QTMAN: variants seen among roughly 807,000 people sequenced by gnomAD.
QTMAN encodes tRNA-queuosine alpha-mannosyltransferase.
the QTMAN span, among the ~76,000 whole-genome samples, chr2:144,120,860 A>G: frequency 6.6e-6 from 1 of 152,166 alleles, no homozygotes; most frequent in African/African-American, 2.4e-5. Context: ...TGATTATAAT[A>G]GTGTTTCATC....
At chr2:144,137,562 T>C in the QTMAN span, among the ~76,000 whole-genome samples, 1 of 152,094 alleles carries the variant, frequency 6.6e-6, no homozygotes, top group Non-Finnish European at 1.5e-5. Context: ...ACTTCCGAAA[T>C]TGCATTTACA....
the QTMAN span, among the ~76,000 whole-genome samples, chr2:144,165,814 T>C: frequency 6.6e-6 from 1 of 152,242 alleles, no homozygotes; most frequent in Non-Finnish European, 1.5e-5. Flanking sequence ...ATTAAGAACC[T>C]ATTAATGAAT....
the QTMAN span, among the ~76,000 whole-genome samples, chr2:143,966,224 T>C: frequency 8.5e-5 from 13 of 152,202 alleles, no homozygotes; most frequent in Non-Finnish European, 1.9e-4. Flanking sequence ...TCCCTGTGCC[T>C]TACTTTTTTC....
At chr2:144,023,862 C>T in the QTMAN span, among the ~76,000 whole-genome samples, 1 of 152,126 alleles carries the variant, frequency 6.6e-6, no homozygotes, top group African/African-American at 2.4e-5. Context: ...TTTCTTGTAA[C>T]TGAAAAAGGT....
At chr2:144,223,843 C>T in the QTMAN span, among the ~76,000 whole-genome samples, 1 of 152,212 alleles carries the variant, frequency 6.6e-6, no homozygotes, top group East Asian at 1.9e-4. Context: ...CCTGACTGAC[C>T]CTCCTCCTGA....
the QTMAN span, among the ~76,000 whole-genome samples, chr2:144,206,479 C>T: frequency 6.6e-6 from 1 of 152,120 alleles, no homozygotes; most frequent in South Asian, 2.1e-4. Context: ...AAAAAAGTTA[C>T]TTGGTAAAGA....
At chr2:144,062,138 A>G in the QTMAN span, among the ~76,000 whole-genome samples, 2 of 152,310 alleles carry the variant, frequency 1.3e-5, no homozygotes, top group East Asian at 1.9e-4. Context: ...GCTGTTTAAC[A>G]CTTAAGCCAT....
At chr2:144,098,847 G>GA in the QTMAN span, among the ~76,000 whole-genome samples, 3,452 of 134,204 alleles carry the variant, frequency 0.026, 46 homozygotes, top group African/African-American at 0.033. Flanking sequence ...ATTTCTCTTA[G>GA]AAAAAAAAAA....
chr2:143,965,579 A>T, the QTMAN span, among the ~76,000 whole-genome samples: 1 of 152,184 alleles, frequency 6.6e-6, no homozygotes, highest in African/African-American at 2.4e-5. Context: ...GAGTTTCTCA[A>T]TCTAGGCACT....
At chr2:143,986,102 G>GT in the QTMAN span, among the ~76,000 whole-genome samples, 3 of 152,102 alleles carry the variant, frequency 2.0e-5, no homozygotes, top group African/African-American at 7.2e-5. Context: ...CTTTACTTGA[G>GT]TATCAATTAC....
At chr2:144,178,584 A>G in the QTMAN span, 1 of 153,342 alleles carries the variant, frequency 6.5e-6, no homozygotes, top group Non-Finnish European at 1.4e-5. Context: ...CCAAATGGAA[A>G]CCTCTCTCCT....
the QTMAN span, among the ~76,000 whole-genome samples, chr2:144,019,637 AC>A: frequency 6.6e-6 from 1 of 152,054 alleles, no homozygotes; most frequent in Non-Finnish European, 1.5e-5. Context: ...AGAGAAATCA[AC>A]CCCCTTGATA....
the QTMAN span, among the ~76,000 whole-genome samples, chr2:144,009,617 T>A: frequency 6.6e-6 from 1 of 152,080 alleles, no homozygotes; most frequent in Non-Finnish European, 1.5e-5. Context: ...GATGATTGTA[T>A]ACAGAAAGAC....
At chr2:144,160,761 T>C in the QTMAN span, among the ~76,000 whole-genome samples, 1 of 152,134 alleles carries the variant, frequency 6.6e-6, no homozygotes, top group Non-Finnish European at 1.5e-5. Flanking sequence ...AAATCGTGTC[T>C]TTCTATCTGT....
chr2:144,240,490 C>G, the QTMAN span, among the ~76,000 whole-genome samples: 1 of 152,244 alleles, frequency 6.6e-6, no homozygotes, highest in East Asian at 1.9e-4. Context: ...CTCTAAAACA[C>G]AATGTAAGGT....
chr2:144,005,006 T>C, the QTMAN span, among the ~76,000 whole-genome samples: 1 of 151,984 alleles, frequency 6.6e-6, no homozygotes, highest in South Asian at 2.1e-4. Flanking sequence ...CACAATAGTA[T>C]TAAGAGTTTG....
the QTMAN span, among the ~76,000 whole-genome samples, chr2:144,023,813 G>C: frequency 1.3e-5 from 2 of 152,016 alleles, no homozygotes; most frequent in African/African-American, 4.8e-5. Flanking sequence ...TCTAGAAAAG[G>C]TATTATTCAA....
the QTMAN span, among the ~76,000 whole-genome samples, chr2:144,160,170 G>A: frequency 3.3e-5 from 5 of 151,966 alleles, no homozygotes; most frequent in Middle Eastern, 6.8e-3. Context: ...AATGACTATC[G>A]GAAAGATCAT....
At chr2:144,181,018 T>C in the QTMAN span, among the ~76,000 whole-genome samples, 1 of 152,210 alleles carries the variant, frequency 6.6e-6, no homozygotes, top group Admixed American at 6.5e-5. Flanking sequence ...ATTTATCATA[T>C]ACCACCTCTC....
Sources: gnomAD v4.1 joint callset for allele counts (sites outside exome capture counted in the v4.1 genomes callset) on GRCh38, gnomAD v4.1.1 for gene constraint, MANE v1.5 for transcripts, NCBI Gene and HGNC (gene_info 2026-07-23, HGNC 2026-07-21) for gene names.